MAP3K4: variants seen among roughly 807,000 people sequenced by gnomAD.
MAP3K4 encodes the protein mitogen-activated protein kinase kinase kinase 4, also known as MAP three kinase 1.
Under a neutral mutation model 185.6 loss-of-function variants are expected in MAP3K4, and 67 were observed. The observed-to-expected ratio is 0.36, with a 90% CI of 0.30 to 0.44. MAP3K4 has a LOEUF of 0.44. Ranked by LOEUF, MAP3K4 falls within the 20% of genes least tolerant of loss-of-function variation. The pLI is 1.00. For synonymous variants in MAP3K4, 702 were observed against 710.4 expected, an observed-to-expected ratio of 0.99 and a Z score of 0.19; for missense variants, 1,551 against 1,995.1, an observed-to-expected ratio of 0.78 and a Z score of 4.24.
chr6:161,105,171 T>C (rs1328281171), intron 19 of MAP3K4, among the ~76,000 whole-genome samples: 1 of 152,166 alleles, frequency 6.6e-6, no homozygotes, highest in Admixed American at 6.5e-5. Flanking sequence ...TCACATGTAG[T>C]AAGGGTAATA....
rs1055810615 is a variant in MAP3K4, at chr6:161,051,733, A to C, written c.1707+1754A>C. 2.0e-5 allele frequency among the ~76,000 whole-genome samples: 3 copies of C among 152,246 alleles called. No individual in the cohort carries two copies. The highest frequency in any genetic ancestry group is 2.9e-5 in the Non-Finnish European group (2 of 68,048). On this transcript the variant is annotated intron_variant, in intron 3 of 26. Transcript: ENST00000392142. The surrounding 1 kb of genome is among the most constrained non-coding windows in gnomAD (Gnocchi z 4.2). ...CCTCATATAAAATGGTGTAGTATTT[A>C]CATACAACCTATGTGCATCCTCCTG...
chr6:161,092,941 GGTT>G, intron 13 of MAP3K4, 34 bp from the exon 14 acceptor site: 2 of 1,266,938 alleles, frequency 1.6e-6, no homozygotes, highest in Non-Finnish European at 2.3e-6. Context: ...GCGTTTTCTT[GGTT>G]GTTATGTGAT....
At position 161,114,003 on chromosome 6, in the gene MAP3K4, G is replaced by T. The variant is rs1214396215; in HGVS notation, c.4627-1120G>T. On this transcript the variant is annotated intron_variant, in intron 25 of 26. Coordinates refer to ENST00000392142, the MANE Select transcript of MAP3K4 (RefSeq NM_005922.4). The surrounding 1 kb of genome is among the most constrained non-coding windows in gnomAD (Gnocchi z 4.3). Reference sequence around the variant, plus strand: ...GTAGAGACAGGGTTTCACTGTGTTGGCCAGGCTGGTCTCGAACTCCTGACC... The same window carrying T: ...GTAGAGACAGGGTTTCACTGTGTTGTCCAGGCTGGTCTCGAACTCCTGACC... Among the ~76,000 whole-genome samples the T allele has an allele frequency of 1.3e-5, 2 of 151,744 alleles. No homozygotes were observed. Among genetic ancestry groups the T allele is most frequent in the African/African-American group, 2.4e-5 (1 of 41,298 alleles).
intron 2 of MAP3K4, among the ~76,000 whole-genome samples, chr6:161,042,518 G>A (rs1044712704): frequency 6.6e-6 from 1 of 151,982 alleles, no homozygotes; most frequent in Non-Finnish European, 1.5e-5. Flanking sequence ...AGCTAGCTGC[G>A]GTGTTATTTG....
chr6:161,084,580 A>G lies in MAP3K4; in HGVS notation c.2335A>G (p.Thr779Ala), dbSNP rs1785606516. ...ACAGGAGAGCTGTGCTGAATTTTGG[A>G]CTAGTGCGGATGACAGCAGTGCTTC... ...GLQESCAEFW[T>A]SADDSSASDE... The change falls in exon 7 of 27, where the codon ACT becomes GCT. Residue 779 changes from threonine to alanine, a missense_variant. Thr to Ala is a moderately conservative substitution (Grantham distance 58). Transcript: ENST00000392142. The surrounding 1 kb of genome is among the most constrained non-coding windows in gnomAD (Gnocchi z 4.6). 6.2e-7 allele frequency: 1 copy of G among 1,612,292 alleles called. No individual in the cohort carries two copies. Among genetic ancestry groups the G allele is most frequent in the African/African-American group, 1.3e-5 (1 of 74,864 alleles).
At chr6:161,038,914 G>T (rs1167700707) in intron 2 of MAP3K4, among the ~76,000 whole-genome samples, 1 of 152,232 alleles carries the variant, frequency 6.6e-6, no homozygotes, top group African/African-American at 2.4e-5. Context: ...TGCTGGCACA[G>T]TTTTCTTTCC....
chr6:161,076,682 G>A lies in MAP3K4; in HGVS notation c.2097+3070G>A, dbSNP rs547793738. ...GATTGAAAATATGAAAATGATAGGC[G>A]AGATGTGGTAGTTGTAGAAGAGACA... On this transcript the variant is annotated intron_variant, in intron 5 of 26. Coordinates refer to ENST00000392142, the MANE Select transcript of MAP3K4 (RefSeq NM_005922.4). The surrounding 1 kb of genome is among the most constrained non-coding windows in gnomAD (Gnocchi z 4.2). 6.6e-6 allele frequency among the ~76,000 whole-genome samples: 1 copy of A among 152,270 alleles called. No homozygotes were observed. Among genetic ancestry groups the A allele is most frequent in the African/African-American group, 2.4e-5 (1 of 41,550 alleles).
intron 19 of MAP3K4, 27 bp downstream of exon 19, chr6:161,102,806 A>G: frequency 9.3e-7 from 1 of 1,080,092 alleles, no homozygotes; most frequent in Non-Finnish European, 1.3e-6. Context: ...TGAAGTTAAA[A>G]AAAAAAAAAA....
At chr6:161,083,846 T>G (rs1785572213) in intron 6 of MAP3K4, among the ~76,000 whole-genome samples, 1 of 152,200 alleles carries the variant, frequency 6.6e-6, no homozygotes, top group South Asian at 2.1e-4. Context: ...TCGGGGTTGG[T>G]CTTTCTCCTC....
intron 1 of MAP3K4, among the ~76,000 whole-genome samples, chr6:160,994,765 A>G (rs1301789959): frequency 6.6e-6 from 1 of 151,990 alleles, no homozygotes; most frequent in African/African-American, 2.4e-5. Context: ...CAGTGGCGTG[A>G]TCTCAGCTCG....
Position 161,098,524 on chromosome 6 carries a change from C to T in MAP3K4, c.3674+97C>T. The T allele has an allele frequency of 7.0e-7, 1 of 1,433,606 alleles. No individual in the cohort carries two copies. The highest frequency in any genetic ancestry group is 9.3e-7 in the Non-Finnish European group (1 of 1,071,504). 88.8% of individuals were successfully genotyped at this position (1,433,606 alleles called of 1,614,324 possible). ...AGGGTGTGTGCCGGCTGTGGTTGGG[C>T]TTCTTTGCTGTGGCGTGTGAGTGAT... On this transcript the variant is annotated intron_variant, in intron 17 of 26. Transcript: ENST00000392142. The surrounding 1 kb of genome is among the most constrained non-coding windows in gnomAD (Gnocchi z 4.4).
Position 161,061,520 on chromosome 6 carries a change from GTGCAACCATCACCAC to G in MAP3K4, c.1708-9077_1708-9063del, listed in dbSNP as rs1435591504. Among the ~76,000 whole-genome samples, 10 of 152,178 alleles carry G rather than the reference GTGCAACCATCACCAC, an allele frequency of 6.6e-5. No individual in the cohort carries two copies. The highest frequency in any genetic ancestry group is 1.5e-5 in the Non-Finnish European group (1 of 68,038). The stretch of plus-strand genomic sequence containing the variant: ...TCAGTGGTTCTCTGTATTTGGAGTT[GTGCAACCATCACCAC>G]TGCAACCATCCTCACTGTGTAACTT... On this transcript the variant is annotated intron_variant, in intron 3 of 26. Transcript: ENST00000392142. The surrounding 1 kb of genome is among the most constrained non-coding windows in gnomAD (Gnocchi z 4.2).
Position 160,991,815 on chromosome 6 carries a change from C to G in MAP3K4, c.-117C>G. 2.5e-6 allele frequency: 3 copies of G among 1,192,702 alleles called. No individual in the cohort carries two copies. The highest frequency in any genetic ancestry group is 2.0e-5 in the South Asian group (1 of 49,656). 73.9% of individuals were successfully genotyped at this position (1,192,702 alleles called of 1,614,324 possible). ...AAGATGGCCGCGGCGCGCACGGCTC[C>G]TGCGGCGGGGTAGAGGCGGAGGCGG... is the stretch of plus-strand genomic sequence containing the variant. On this transcript the variant is annotated 5_prime_UTR_variant, in exon 1 of 27. Transcript: ENST00000392142. This position sits in a 1 kb window ranked among gnomAD's most constrained non-coding sequence, Gnocchi z 5.7.
At chr6:161,068,394 A>C (rs138911818) in intron 3 of MAP3K4, among the ~76,000 whole-genome samples, 1 of 152,220 alleles carries the variant, frequency 6.6e-6, no homozygotes. Flanking sequence ...AGAACTTCTG[A>C]TAATAAAAGG....
rs2177587 is a variant in MAP3K4, at chr6:161,096,932, T to C, written c.3428-148T>C. On this transcript the variant is annotated intron_variant, in intron 15 of 26. Coordinates refer to ENST00000392142, the MANE Select transcript of MAP3K4 (RefSeq NM_005922.4). The surrounding 1 kb of genome is among the most constrained non-coding windows in gnomAD (Gnocchi z 4.9). ...TGACATTTTCCATAATATTTGTATA[T>C]GTAATATTATTTTTTACTTATATAA... 452,127 of 562,478 alleles carry C rather than the reference T, an allele frequency of 0.8. 183,700 individuals are homozygous for C. The highest frequency in any genetic ancestry group is 0.97 in the East Asian group (34,444 of 35,544). The allele number at this position is 562,478 out of a possible 1,614,324, so 34.8% of individuals were successfully genotyped here.
In MAP3K4 at chr6:161,086,470, T is replaced by C. The variant is rs746559618; in HGVS notation, c.2464T>C (p.Leu822=). Residue 822 remains leucine, a synonymous_variant, in exon 8 of 27, where the codon TTG becomes CTG. Transcript: ENST00000392142. The surrounding 1 kb of genome is among the most constrained non-coding windows in gnomAD (Gnocchi z 4.8). ...CAAAGCACTTGGATTTGCTAAAATG[T>C]TGAGAAAGGTGAGCTTGCAATCCTG... ...ASKALGFAKM[L]RKDLEIAAEF... 11 of 1,613,844 alleles carry C rather than the reference T, an allele frequency of 6.8e-6. No individual in the cohort carries two copies. In the South Asian group the frequency reaches 1.2e-4, roughly 18 times the overall value.
In MAP3K4 at chr6:161,076,741, T is replaced by A. The variant is rs1299985388; in HGVS notation, c.2097+3129T>A. Among the ~76,000 whole-genome samples, 1 of 152,256 alleles carries A rather than the reference T, an allele frequency of 6.6e-6. No homozygotes were observed. Among genetic ancestry groups the A allele is most frequent in the Non-Finnish European group, 1.5e-5 (1 of 68,050 alleles). On this transcript the variant is annotated intron_variant, in intron 5 of 26. Transcript: ENST00000392142. This position sits in a 1 kb window ranked among gnomAD's most constrained non-coding sequence, Gnocchi z 4.2. The stretch of plus-strand genomic sequence containing the variant: ...CTCACATGTACACAATTTGAGTTTC[T>A]GCAGAAGAACAAAGAGCAAAGAAGC...
At chr6:161,002,051 T>C (rs1286800008) in intron 1 of MAP3K4, among the ~76,000 whole-genome samples, 2 of 112,718 alleles carry the variant, frequency 1.8e-5, no homozygotes, top group Non-Finnish European at 3.6e-5. Flanking sequence ...AAGAAAAAGG[T>C]TTTTTTTTTT....
chr6:161,064,936 T>C lies in MAP3K4; in HGVS notation c.1708-5672T>C, dbSNP rs1018032723. On this transcript the variant is annotated intron_variant, in intron 3 of 26. Coordinates refer to ENST00000392142, the MANE Select transcript of MAP3K4 (RefSeq NM_005922.4). The surrounding 1 kb of genome is among the most constrained non-coding windows in gnomAD (Gnocchi z 4.3). ...GAGTCCAAGGTATTGTCCAAACAGG[T>C]TTCCCTCAGGAAGGTTTAATTGGTG... Among the ~76,000 whole-genome samples, 2 of 152,114 alleles carry C rather than the reference T, an allele frequency of 1.3e-5. No individual in the cohort carries two copies. The highest frequency in any genetic ancestry group is 4.8e-5 in the African/African-American group (2 of 41,420).
Sources: allele counts gnomAD v4.1 joint callset (sites outside exome capture counted in the v4.1 genomes callset), GRCh38; gene constraint gnomAD v4.1.1; non-coding constraint Gnocchi (gnomAD v3.1); transcripts MANE v1.5; gene names NCBI Gene and HGNC (gene_info 2026-07-23, HGNC 2026-07-21).